EVC2: variants seen among roughly 807,000 people sequenced by gnomAD.
EVC2 encodes the protein EvC ciliary complex subunit 2, also known as limbin.
A neutral mutation model predicts 149.3 loss-of-function variants in EVC2; 148 were observed. That is an observed-to-expected ratio of 0.99 (90% CI 0.87 to 1.14). EVC2 has a LOEUF of 1.14. EVC2 is among the 50% of genes most tolerant of loss of function. The probability of loss-of-function intolerance (pLI) is 0.00; values close to 1 mark genes in which losing one functional copy is unlikely to be tolerated. For synonymous variants in EVC2, 776 were observed against 649.9 expected (o/e 1.19, Z -2.95); for missense variants, 1,854 against 1,627.3 (o/e 1.14, Z -2.40).
At chr4:5,667,767 C>T (rs988583107) in intron 7 of EVC2, among the ~76,000 whole-genome samples, 2 of 152,176 alleles carry the variant, frequency 1.3e-5, no homozygotes, top group African/African-American at 4.8e-5. Flanking sequence ...ACTCAGTGTC[C>T]AGGGTTTTTA....
At chr4:5,658,833 T>C (rs1414097746) in intron 9 of EVC2, among the ~76,000 whole-genome samples, 1 of 152,184 alleles carries the variant, frequency 6.6e-6, no homozygotes, top group African/African-American at 2.4e-5. Context: ...GCGAGAGGTG[T>C]GTGGCAGTGG....
intron 21 of EVC2, among the ~76,000 whole-genome samples, chr4:5,550,118 G>T (rs1257869775): frequency 6.6e-6 from 1 of 152,130 alleles, no homozygotes; most frequent in Non-Finnish European, 1.5e-5. Context: ...GTGTGAAAAT[G>T]AACTAATACA....
chr4:5,544,826 T>C (rs1369990170), intron 21 of EVC2, among the ~76,000 whole-genome samples: 1 of 152,120 alleles, frequency 6.6e-6, no homozygotes, highest in African/African-American at 2.4e-5. Context: ...TCTCAACCTG[T>C]TCCTCCCAAG....
chr4:5,693,666 C>T (rs183751479), intron 3 of EVC2, among the ~76,000 whole-genome samples: 1 of 152,286 alleles, frequency 6.6e-6, no homozygotes, highest in East Asian at 1.9e-4. Flanking sequence ...GACAGCAGCC[C>T]CAGGAAATTA....
At chr4:5,605,827 G>C (rs1714352910) in intron 16 of EVC2, among the ~76,000 whole-genome samples, 1 of 152,132 alleles carries the variant, frequency 6.6e-6, no homozygotes, top group Non-Finnish European at 1.5e-5. Context: ...GAGGGTGGCG[G>C]GACTGACCCA....
chr4:5,622,675 G>A lies in EVC2; in HGVS notation c.2363C>T (p.Ala788Val), dbSNP rs376048508. The change falls in exon 14 of 22, where the codon GCC becomes GTC. Residue 788 changes from alanine (A) to valine (V), a missense_variant. Physicochemically the swap from Ala to Val is moderately conservative, Grantham distance 64. Transcript: ENST00000344408. The surrounding 1 kb of genome is among the most constrained non-coding windows in gnomAD (Gnocchi z 5.8). ...CCTCTCCTCCCCCTCCAGCTGCTCG[G>A]CCCGTGCAGCCATCTCCTTGCCGTG... ...EEHGKEMAAR[A>V]EQLEGEERDR... is the part of the protein sequence containing the mutation. The A allele has an allele frequency of 2.4e-5, 39 of 1,614,038 alleles. No individual in the cohort carries two copies. The East Asian group carries it at 7.1e-4, about 30-fold the overall frequency.
Position 5,613,519 on chromosome 4 carries a change from TCTCTC to T in EVC2, c.2829+1898_2829+1902del, listed in dbSNP as rs1272949012. Reference sequence around the variant, plus strand: ...GCACAGGACCCGACCTCTCTCCAGCTCTCTCCTCTTCTTGCTGTAAACTGGGAATA... The same window carrying T: ...GCACAGGACCCGACCTCTCTCCAGCTCTCTTCTTGCTGTAAACTGGGAATA... On this transcript the variant is annotated intron_variant, in intron 16 of 21. Coordinates refer to ENST00000344408, the MANE Select transcript of EVC2 (RefSeq NM_147127.5). This position sits in a 1 kb window ranked among gnomAD's most constrained non-coding sequence, Gnocchi z 4.6. Among the ~76,000 whole-genome samples the T allele has an allele frequency of 6.6e-6, 1 of 152,078 alleles. No homozygotes were observed. Among genetic ancestry groups the T allele is most frequent in the Non-Finnish European group, 1.5e-5 (1 of 68,008 alleles).
chr4:5,563,071 A>G lies in EVC2; in HGVS notation c.3704T>C (p.Phe1235Ser), dbSNP rs766784641. The G allele has an allele frequency of 3.7e-6, 6 of 1,614,148 alleles. No individual in the cohort carries two copies. The highest frequency in any genetic ancestry group is 5.1e-6 in the Non-Finnish European group (6 of 1,180,026). The change falls in exon 22 of 22, where the codon TTC becomes TCC. Residue 1235 changes from phenylalanine to serine, a missense_variant. Physicochemically the swap from Phe to Ser is radical, Grantham distance 155 (BLOSUM62 -2). Transcript: ENST00000344408. Reference protein sequence around the residue: ...TCLPLRERMIFSGKGSWPHLS... With the variant: ...TCLPLRERMISSGKGSWPHLS... ...GTGTGGCCAACTTCCTTTTCCAGAG[A>G]ATATCATCCTCTCTCTGAGAGGGAG...
intron 5 of EVC2, among the ~76,000 whole-genome samples, chr4:5,687,393 T>G (rs1720797094): frequency 6.6e-6 from 1 of 152,140 alleles, no homozygotes; most frequent in African/African-American, 2.4e-5. Flanking sequence ...CCTTCCTAGG[T>G]GGGTGTTACT....
chr4:5,622,264 C>T lies in EVC2; in HGVS notation c.2501+273G>A, dbSNP rs780965964. ...GGGAATTATTCAGACAAGGCAATCA[C>T]ATTTTCCCCTGGAAGCCAGGGGCCA... is the stretch of plus-strand genomic sequence containing the variant. On this transcript the variant is annotated intron_variant, in intron 14 of 21. Coordinates refer to ENST00000344408, the MANE Select transcript of EVC2 (RefSeq NM_147127.5). This position sits in a 1 kb window ranked among gnomAD's most constrained non-coding sequence, Gnocchi z 5.8. 2.6e-5 allele frequency among the ~76,000 whole-genome samples: 4 copies of T among 152,072 alleles called. No individual in the cohort carries two copies. The highest frequency in any genetic ancestry group is 6.6e-5 in the Admixed American group (1 of 15,266).
At chr4:5,688,232 C>G (rs983335137) in intron 5 of EVC2, among the ~76,000 whole-genome samples, 10 of 152,128 alleles carry the variant, frequency 6.6e-5, no homozygotes, top group South Asian at 2.1e-4. Flanking sequence ...GATTCTGAGG[C>G]CTTATCTAGG....
At position 5,677,095 on chromosome 4, in the gene EVC2, C is replaced by A. The variant is rs956453216; in HGVS notation, c.870+4165G>T. 1.2e-4 allele frequency among the ~76,000 whole-genome samples: 19 copies of A among 152,174 alleles called. No homozygotes were observed. The highest frequency in any genetic ancestry group is 4.3e-4 in the African/African-American group (18 of 41,438). On this transcript the variant is annotated intron_variant, in intron 7 of 21. Transcript: ENST00000344408. The surrounding 1 kb of genome is among the most constrained non-coding windows in gnomAD (Gnocchi z 4.3). The stretch of plus-strand genomic sequence containing the variant: ...TCATGTGTAAATAATAGTAATAATA[C>A]TGCTGACGACAACAGCTGACATTTA...
At position 5,584,695 on chromosome 4, in the gene EVC2, G is replaced by C. The variant is rs768330511; in HGVS notation, c.2985C>G (p.Leu995=). 6.2e-7 allele frequency: 1 copy of C among 1,614,122 alleles called. No individual in the cohort carries two copies. Among genetic ancestry groups the C allele is most frequent in the South Asian group, 1.1e-5 (1 of 91,054 alleles). The part of the protein sequence containing the change: ...YTALLSIQDL[L]LEELSASEML... ...TCTCAGATGCACTCAGCTCTTCCAG[G>C]AGCAAGTCCTGGATGCTGAGGAGGG... The change falls in exon 17 of 22, where the codon CTC becomes CTG. Residue 995 remains leucine (L), a synonymous_variant. Transcript: ENST00000344408.
chr4:5,582,506 A>C (rs907010333), intron 17 of EVC2, among the ~76,000 whole-genome samples: 1 of 152,206 alleles, frequency 6.6e-6, no homozygotes, highest in African/African-American at 2.4e-5. Context: ...CTATAACTCC[A>C]TTGCATCACT....
Position 5,568,599 on chromosome 4 carries a change from C to T in EVC2, c.3402G>A (p.Val1134=). ...LASYLARMAM[V]PGATLRRLLS... ...GGAGCCGGCGAAGCGTGGCCCCGGGCACCATGGCCATCCTCGCCAGGTACG... is the reference window on the plus strand; with the variant it reads ...GGAGCCGGCGAAGCGTGGCCCCGGGTACCATGGCCATCCTCGCCAGGTACG... Residue 1134 remains valine, a synonymous_variant, in exon 20 of 22, where the codon GTG becomes GTA. Transcript: ENST00000344408. 4.4e-6 allele frequency: 7 copies of T among 1,609,192 alleles called. No individual in the cohort carries two copies. Among genetic ancestry groups the T allele is most frequent in the Non-Finnish European group, 5.9e-6 (7 of 1,179,812 alleles).
intron 9 of EVC2, among the ~76,000 whole-genome samples, chr4:5,653,631 A>G (rs1718298049): frequency 6.6e-6 from 1 of 152,214 alleles, no homozygotes; most frequent in South Asian, 2.1e-4. Flanking sequence ...ACAGACTGTG[A>G]ACTTTAGCTA....
At chr4:5,658,126 G>C (rs1718650184) in intron 9 of EVC2, among the ~76,000 whole-genome samples, 1 of 152,102 alleles carries the variant, frequency 6.6e-6, no homozygotes, top group Non-Finnish European at 1.5e-5. Context: ...CTCTCTATAA[G>C]GACAAAAACC....
chr4:5,662,852 C>A (rs2108895465), intron 9 of EVC2, among the ~76,000 whole-genome samples: 1 of 151,898 alleles, frequency 6.6e-6, no homozygotes, highest in South Asian at 2.1e-4. Flanking sequence ...ATGGTGGTCA[C>A]CCAATTCTGT....
chr4:5,655,993 C>T (rs1385205913), intron 9 of EVC2, among the ~76,000 whole-genome samples: 1 of 152,194 alleles, frequency 6.6e-6, no homozygotes, highest in Non-Finnish European at 1.5e-5. Context: ...ATGTCTATCC[C>T]TATTCCTGAG....
Sources: gnomAD v4.1 joint callset for allele counts (sites outside exome capture counted in the v4.1 genomes callset) on GRCh38, gnomAD v4.1.1 for gene constraint, Gnocchi (gnomAD v3.1) non-coding constraint, MANE v1.5 for transcripts, NCBI Gene and HGNC (gene_info 2026-07-23, HGNC 2026-07-21) for gene names.